SUGCT: variants seen among roughly 807,000 people sequenced by gnomAD.
SUGCT encodes succinyl-CoA:glutarate-CoA transferase.
A neutral mutation model predicts 55.0 loss-of-function variants in SUGCT; 41 were observed. That is an observed-to-expected ratio of 0.74 (90% CI 0.58 to 0.97). The LOEUF (loss-of-function observed/expected upper bound fraction) is 0.97. Ranked by LOEUF, SUGCT falls within the 50% of genes least tolerant of loss-of-function variation. SUGCT has a pLI of 0.00. For synonymous variants in SUGCT, 187 were observed against 200.4 expected, an observed-to-expected ratio of 0.93 and a Z score of 0.56; for missense variants, 568 against 547.8, an observed-to-expected ratio of 1.04 and a Z score of -0.37.
chr7:40,666,347 CAAGA>C (rs1554398385), intron 12 of SUGCT, among the ~76,000 whole-genome samples: 21 of 114,004 alleles, frequency 1.8e-4, no homozygotes, highest in African/African-American at 4.9e-4. Context: ...GACTCTGTCT[CAAGA>C]AAGAAAGGAA....
intron 9 of SUGCT, among the ~76,000 whole-genome samples, chr7:40,419,555 G>A (rs1787193960): frequency 6.6e-6 from 1 of 152,162 alleles, no homozygotes; most frequent in South Asian, 2.1e-4. Context: ...AGTTTGGGTA[G>A]CTCCCTCTCC....
At chr7:40,396,841 C>T (rs949634796) in intron 9 of SUGCT, among the ~76,000 whole-genome samples, 1 of 152,104 alleles carries the variant, frequency 6.6e-6, no homozygotes. Flanking sequence ...TCACTTCTTT[C>T]TTTAAGCAGT....
intron 11 of SUGCT, among the ~76,000 whole-genome samples, chr7:40,472,060 G>A (rs552252042): frequency 2.7e-4 from 41 of 152,086 alleles, no homozygotes; most frequent in South Asian, 8.3e-4. Flanking sequence ...TTAGTGTTGC[G>A]TAAGACATAG....
chr7:40,916,065 CTACA>C, the SUGCT span, among the ~76,000 whole-genome samples: 30 of 82,424 alleles, frequency 3.6e-4, no homozygotes, highest in South Asian at 0.013. Context: ...CTCTCTCTCT[CTACA>C]TACACACACA....
In SUGCT at chr7:40,771,761, CAT is replaced by C. The variant is rs1394695570; in HGVS notation, c.1153+22265_1153+22266del. Among the ~76,000 whole-genome samples, 7 of 152,168 alleles carry C rather than the reference CAT, an allele frequency of 4.6e-5. 1 individual carries two copies. The highest frequency in any genetic ancestry group is 4.6e-4 in the Admixed American group (7 of 15,286). The stretch of plus-strand genomic sequence containing the variant: ...TAAAAGACATTCTGGCTCTTAAAAA[CAT>C]GTAATCTAATAGGAAAGAGAGATTA... On this transcript the variant is annotated intron_variant, in intron 13 of 13. Coordinates refer to ENST00000335693, the MANE Select transcript of SUGCT (RefSeq NM_001193313.2).
chr7:40,825,886 G>T (rs145465537), intron 13 of SUGCT, among the ~76,000 whole-genome samples: 8 of 152,116 alleles, frequency 5.3e-5, no homozygotes, highest in African/African-American at 1.9e-4. Context: ...CTACATGCCC[G>T]TATTTATAAA....
chr7:40,621,328 C>T (rs943748644), intron 12 of SUGCT, among the ~76,000 whole-genome samples: 2 of 152,078 alleles, frequency 1.3e-5, no homozygotes, highest in African/African-American at 4.8e-5. Context: ...TTTGGTTTCT[C>T]CTGTCTTTCT....
intron 9 of SUGCT, among the ~76,000 whole-genome samples, chr7:40,374,530 CAG>C (rs1400444423): frequency 5.9e-5 from 9 of 152,188 alleles, no homozygotes; most frequent in Non-Finnish European, 1.0e-4. Context: ...TCTTGCAAGA[CAG>C]AGGAAAGGTA....
chr7:40,798,986 T>C (rs984766008), intron 13 of SUGCT, among the ~76,000 whole-genome samples: 1 of 152,234 alleles, frequency 6.6e-6, no homozygotes, highest in African/African-American at 2.4e-5. Flanking sequence ...CTGCGGATTT[T>C]TGCTTTAGGA....
chr7:40,978,800 C>A, the SUGCT span, among the ~76,000 whole-genome samples: 3 of 152,122 alleles, frequency 2.0e-5, no homozygotes, highest in Non-Finnish European at 4.4e-5. Flanking sequence ...GGCGATGAAG[C>A]CCGAGAAGGG....
intron 13 of SUGCT, among the ~76,000 whole-genome samples, chr7:40,805,970 G>A (rs773529414): frequency 6.6e-6 from 1 of 152,196 alleles, no homozygotes; most frequent in Non-Finnish European, 1.5e-5. Context: ...CCTTGAAATA[G>A]TGCGTGCATC....
the SUGCT span, among the ~76,000 whole-genome samples, chr7:40,873,880 C>G: frequency 2.0e-5 from 3 of 152,252 alleles, no homozygotes; most frequent in African/African-American, 7.2e-5. Context: ...TGTTGGAGTT[C>G]AGAGATGGGA....
At chr7:40,970,978 T>C in the SUGCT span, among the ~76,000 whole-genome samples, 33 of 152,154 alleles carry the variant, frequency 2.2e-4, no homozygotes, top group Non-Finnish European at 4.0e-4. Context: ...GTGGCAGGGT[T>C]AAAGGAGTGT....
intron 12 of SUGCT, among the ~76,000 whole-genome samples, chr7:40,607,507 T>C (rs1798585763): frequency 1.3e-5 from 2 of 152,210 alleles, no homozygotes; most frequent in Admixed American, 6.5e-5. Context: ...TCCCAGAGTT[T>C]GGATGATGTT....
At chr7:40,150,933 G>A (rs1788533412) in intron 1 of SUGCT, among the ~76,000 whole-genome samples, 1 of 151,960 alleles carries the variant, frequency 6.6e-6, no homozygotes, top group South Asian at 2.1e-4. Flanking sequence ...GAGATGAAGA[G>A]AAAGGGAGAA....
At chr7:40,873,148 CA>C in the SUGCT span, among the ~76,000 whole-genome samples, 1 of 152,138 alleles carries the variant, frequency 6.6e-6, no homozygotes, top group African/African-American at 2.4e-5. Context: ...AATACATGTG[CA>C]AAATATTAAT....
At chr7:40,548,241 T>C (rs1482667674) in intron 12 of SUGCT, among the ~76,000 whole-genome samples, 1 of 145,988 alleles carries the variant, frequency 6.8e-6, no homozygotes, top group Non-Finnish European at 1.5e-5. Flanking sequence ...CAGGCTGGAG[T>C]GTAGTGGTAC....
the SUGCT span, among the ~76,000 whole-genome samples, chr7:40,898,479 TCG>T: frequency 1.9e-5 from 1 of 53,028 alleles, no homozygotes; most frequent in East Asian, 7.7e-4. Flanking sequence ...CTCCGGGAGG[TCG>T]GGGGGGGGGG....
chr7:40,481,628 A>C (rs1791048501), intron 11 of SUGCT, among the ~76,000 whole-genome samples: 1 of 152,116 alleles, frequency 6.6e-6, no homozygotes, highest in Admixed American at 6.6e-5. Context: ...ATAGAAAATC[A>C]TCAAAAAGAT....
Sources: gnomAD v4.1 joint callset for allele counts (sites outside exome capture counted in the v4.1 genomes callset) on GRCh38, gnomAD v4.1.1 for gene constraint, MANE v1.5 for transcripts, NCBI Gene and HGNC (gene_info 2026-07-23, HGNC 2026-07-21) for gene names.